The following SYNE1 variants were observed in gnomAD, a reference collection of about 807,000 sequenced individuals.
SYNE1 encodes the protein spectrin repeat containing nuclear envelope protein 1.
Under a neutral mutation model 1,111.0 loss-of-function variants are expected in SYNE1, and 616 were observed. The ratio of observed to expected loss-of-function variants is 0.55; its 90% CI spans 0.52 to 0.59. The LOEUF is 0.59. Ranked by LOEUF, SYNE1 falls within the 20% of genes least tolerant of loss-of-function variation. The pLI is 0.00. For missense variants in SYNE1, 10,006 were observed against 10,417.0 expected, an observed-to-expected ratio of 0.96 and a Z score of 1.72; for synonymous variants, 3,855 against 3,825.8, an observed-to-expected ratio of 1.01 and a Z score of -0.28.
intron 3 of SYNE1, 93 bp downstream of exon 3, chr6:152,628,172 C>T: frequency 2.2e-6 from 3 of 1,389,984 alleles, no homozygotes; most frequent in South Asian, 1.2e-5. Context: ...GCTATAATTC[C>T]ATGAAATTGA....
At chr6:152,625,143 A>G (rs951011079) in intron 3 of SYNE1, among the ~76,000 whole-genome samples, 1 of 152,158 alleles carries the variant, frequency 6.6e-6, no homozygotes, top group Non-Finnish European at 1.5e-5. Context: ...TTTTCCTCAA[A>G]TTTGTCTTAA....
At chr6:152,440,041 G>A (rs1019928876) in intron 32 of SYNE1, among the ~76,000 whole-genome samples, 4 of 151,986 alleles carry the variant, frequency 2.6e-5, no homozygotes, top group African/African-American at 7.3e-5. Context: ...CATTGTCTCC[G>A]TCAGACTCAA....
chr6:152,553,099 T>C (rs188258139), intron 3 of SYNE1, among the ~76,000 whole-genome samples: 1 of 152,306 alleles, frequency 6.6e-6, no homozygotes, highest in East Asian at 1.9e-4. Flanking sequence ...AATTAAAACT[T>C]TGCAATAACC....
Position 152,462,560 on chromosome 6 carries a change from T to A in SYNE1, c.2250+178A>T, listed in dbSNP as rs6925067. 0.47 allele frequency: 316,635 copies of A among 667,964 alleles called. 80,152 individuals are homozygous for A. The highest frequency in any genetic ancestry group is 0.78 in the East Asian group (28,732 of 37,010). The allele number at this position is 667,964 out of a possible 1,614,324, so 41.4% of individuals were successfully genotyped here. On this transcript the variant is annotated intron_variant, in intron 20 of 145. Coordinates refer to ENST00000367255, the MANE Select transcript of SYNE1 (RefSeq NM_182961.4). ...TTTGAAGTTACTTTATATGATCAAG[T>A]CATGTCTTTTTTATGTTCAATACAT...
Position 152,330,234 on chromosome 6 carries a change from C to A in SYNE1, c.14451G>T (p.Met4817Ile), listed in dbSNP as rs1465815331. The change falls in exon 78 of 146, where the codon ATG (methionine) becomes ATT (isoleucine). Residue 4817 changes from methionine (M) to isoleucine (I), a missense_variant. By Grantham distance (10) the Met-to-Ile change is conservative (BLOSUM62 1). Coordinates refer to ENST00000367255, the MANE Select transcript of SYNE1 (RefSeq NM_182961.4). The part of the protein sequence containing the change: ...ETLPAEEKLK[M>I]YHSLAGSLQD... ...GGAGACTTCCTGCCAGGGAGTGATA[C>A]ATTTTGAGCTTCTCCTCTGCAGGCA... 1.9e-6 allele frequency: 3 copies of A among 1,614,132 alleles called. No homozygotes were observed. Among genetic ancestry groups the A allele is most frequent in the Non-Finnish European group, 2.5e-6 (3 of 1,180,030 alleles).
At chr6:152,172,023 G>A (rs1293111427) in intron 130 of SYNE1, among the ~76,000 whole-genome samples, 1 of 152,130 alleles carries the variant, frequency 6.6e-6, no homozygotes, top group Non-Finnish European at 1.5e-5. Context: ...TCTACAAAAT[G>A]TTGAGGCAAT....
intron 3 of SYNE1, among the ~76,000 whole-genome samples, chr6:152,619,326 A>G (rs1334429353): frequency 6.6e-6 from 1 of 151,572 alleles, no homozygotes; most frequent in Admixed American, 6.6e-5. Flanking sequence ...CTCTGATCCA[A>G]CATAAACAGG....
At chr6:152,448,771 G>A (rs373751533) in intron 28 of SYNE1, among the ~76,000 whole-genome samples, 158 of 152,234 alleles carry the variant, frequency 1.0e-3, no homozygotes, top group African/African-American at 3.7e-3. Flanking sequence ...AAGCCCAGGA[G>A]GTCGAGGCTG....
At chr6:152,452,502 G>A (rs2098659499) in intron 25 of SYNE1, among the ~76,000 whole-genome samples, 1 of 151,958 alleles carries the variant, frequency 6.6e-6, no homozygotes, top group African/African-American at 2.4e-5. Context: ...TGTTTTTCTT[G>A]TGCACAGGGA....
chr6:152,334,379 T>C (rs2096328930), intron 76 of SYNE1, 106 bp from the exon 77 acceptor site: 4 of 1,285,680 alleles, frequency 3.1e-6, no homozygotes, highest in Non-Finnish European at 4.3e-6. Context: ...AGTTCCTTAA[T>C]ATGAAAAAAA....
intron 80 of SYNE1, 123 bp downstream of exon 80, chr6:152,325,835 G>A (rs2096053958): frequency 1.9e-5 from 23 of 1,192,602 alleles, no homozygotes; most frequent in South Asian, 1.8e-4. Flanking sequence ...ATAAAATGTT[G>A]TTAAATGCAT....
chr6:152,618,025 G>A (rs2099664851), intron 3 of SYNE1, among the ~76,000 whole-genome samples: 1 of 152,176 alleles, frequency 6.6e-6, no homozygotes, highest in Non-Finnish European at 1.5e-5. Context: ...TTATCTGGAA[G>A]GTTATAGTGA....
At chr6:152,249,346 T>C in intron 104 of SYNE1, 84 bp from the exon 105 acceptor site, 1 of 836,772 alleles carries the variant, frequency 1.2e-6, no homozygotes, top group Non-Finnish European at 2.1e-6. Flanking sequence ...TTCTAAGAAA[T>C]AACATAGAGG....
chr6:152,281,874 G>A lies in SYNE1; in HGVS notation c.18314C>T (p.Thr6105Ile). 1 of 1,614,186 alleles carries A rather than the reference G, an allele frequency of 6.2e-7. No homozygotes were observed. The highest frequency in any genetic ancestry group is 1.3e-5 in the African/African-American group (1 of 75,044). Reference sequence around the variant, plus strand: ...GGGTGGACTCAGCGCAGTGTCCAGAGTGGCCTTGGTACTCAAGAGCCAGCT... The same window carrying A: ...GGGTGGACTCAGCGCAGTGTCCAGAATGGCCTTGGTACTCAAGAGCCAGCT... ...LDSWLLSTKATLDTALSPPKE... is the reference protein window; with the variant it reads ...LDSWLLSTKAILDTALSPPKE... The change falls in exon 97 of 146, where the codon ACT becomes ATT. Residue 6105 changes from threonine to isoleucine, a missense_variant. Transcript: ENST00000367255.
chr6:152,250,468 A>G (rs1430310577), intron 104 of SYNE1, among the ~76,000 whole-genome samples: 1 of 152,300 alleles, frequency 6.6e-6, no homozygotes. Context: ...AAAAACATCT[A>G]TAAGAACATG....
Position 152,330,412 on chromosome 6 carries a change from A to G in SYNE1, c.14273T>C (p.Leu4758Ser). ...TGTTTGTCGCTTCAGCCTGTGATAT[A>G]AGGTGACAAGGTGCAGCATCTTGTC... ...QPDKMLHLVT[L>S]YHRLKRQTEQ... Residue 4758 changes from leucine (L) to serine (S), a missense_variant, in exon 78 of 146, where the codon TTA becomes TCA. This residue lies in a region of SYNE1 where 4,955 missense variants were observed against 5,017.2 expected (regional missense o/e 0.99). Coordinates refer to ENST00000367255, the MANE Select transcript of SYNE1 (RefSeq NM_182961.4). 2 of 1,614,122 alleles carry G rather than the reference A, an allele frequency of 1.2e-6. No individual in the cohort carries two copies. Among genetic ancestry groups the G allele is most frequent in the Non-Finnish European group, 8.5e-7 (1 of 1,180,034 alleles).
rs1300770671 is a variant in SYNE1 at position 152,373,021 on chromosome 6, G to C, written c.9507+16C>G. The C allele has an allele frequency of 1.2e-6, 2 of 1,611,404 alleles. No individual in the cohort carries two copies. The highest frequency in any genetic ancestry group is 1.7e-6 in the Non-Finnish European group (2 of 1,177,716). On this transcript the variant is annotated intron_variant, in intron 59 of 145. Coordinates refer to ENST00000367255, the MANE Select transcript of SYNE1 (RefSeq NM_182961.4). ...CAAATAACACAGAATGCTTCCATGT[G>C]GTTGGCTATATATACCTCTAGAGCA...
intron 3 of SYNE1, among the ~76,000 whole-genome samples, chr6:152,604,886 A>C (rs2695254): frequency 0.66 from 96,494 of 146,930 alleles, 31,857 homozygotes; most frequent in Non-Finnish European, 0.68. Context: ...CCCAGGAGGT[A>C]AAGTCTGCAG....
chr6:152,606,930 A>G (rs1053984588), intron 3 of SYNE1, among the ~76,000 whole-genome samples: 2 of 149,676 alleles, frequency 1.3e-5, no homozygotes, highest in Non-Finnish European at 3.0e-5. Context: ...CTGGGATTAC[A>G]GGCGTGAGCC....
Sources: gnomAD v4.1 joint callset for allele counts (sites outside exome capture counted in the v4.1 genomes callset) on GRCh38, gnomAD v4.1.1 for gene constraint, gnomAD v4.1.1 regional missense constraint, MANE v1.5 for transcripts, NCBI Gene and HGNC (gene_info 2026-07-23, HGNC 2026-07-21) for gene names.